FOXN3: variants seen among roughly 807,000 people sequenced by gnomAD.
FOXN3 encodes forkhead box N3.
A neutral mutation model predicts 38.4 loss-of-function variants in FOXN3; 7 were observed. The observed-to-expected ratio is 0.18, with a 90% CI of 0.10 to 0.34. FOXN3 has a LOEUF of 0.34. Among genes scored for constraint, FOXN3 ranks in the 10% least tolerant of loss-of-function variants. The probability of loss-of-function intolerance (pLI) is 1.00; values close to 1 mark genes in which losing one functional copy is unlikely to be tolerated. For synonymous variants in FOXN3, 230 were observed against 242.2 expected (o/e 0.95, Z 0.47); for missense variants, 456 against 613.4 (o/e 0.74, Z 2.71).
chr14:89,550,262 C>T (rs890749943), intron 1 of FOXN3, among the ~76,000 whole-genome samples: 1 of 152,178 alleles, frequency 6.6e-6, no homozygotes, highest in East Asian at 1.9e-4. Flanking sequence ...ACCCCATCCC[C>T]TTCCATTCTG....
intron 1 of FOXN3, among the ~76,000 whole-genome samples, chr14:89,505,172 T>C (rs1893886349): frequency 6.6e-6 from 1 of 152,112 alleles, no homozygotes; most frequent in Admixed American, 6.5e-5. Flanking sequence ...CAGTTTTAGT[T>C]GTTATTGTTG....
chr14:89,434,070 C>A (rs1029881534), intron 1 of FOXN3, among the ~76,000 whole-genome samples: 3 of 151,148 alleles, frequency 2.0e-5, no homozygotes, highest in Admixed American at 1.3e-4. Flanking sequence ...ATTACAGGTG[C>A]CTGCCACTAC....
Position 89,412,585 on chromosome 14 carries a change from C to G in FOXN3, c.-14-95G>C. ...TGATCCTGTTGCCTCCCTCTGCCGC[C>G]TCTATGGAACCCCTGCTACACAGGA... On this transcript the variant is annotated intron_variant, in intron 1 of 5. Coordinates refer to ENST00000557258, the MANE Select transcript of FOXN3 (RefSeq NM_005197.4). This position sits in a 1 kb window ranked among gnomAD's most constrained non-coding sequence, Gnocchi z 4.7. 1.0e-6 allele frequency: 1 copy of G among 961,870 alleles called. No individual in the cohort carries two copies. The highest frequency in any genetic ancestry group is 1.5e-6 in the Non-Finnish European group (1 of 660,012). The allele number at this position is 961,870 out of a possible 1,614,324, so 59.6% of individuals were successfully genotyped here. A position where few individuals can be genotyped will look rare whatever the true frequency, so the allele number is the denominator to read the frequency against.
intron 1 of FOXN3, among the ~76,000 whole-genome samples, chr14:89,459,826 C>T (rs181463763): frequency 8.5e-5 from 13 of 152,272 alleles, no homozygotes; most frequent in African/African-American, 2.9e-4. Flanking sequence ...ATCCCCCCAC[C>T]GAGGGCAATA....
chr14:89,511,153 CTTTCTTTCTTTCTTT>C (rs1894054824), intron 1 of FOXN3, among the ~76,000 whole-genome samples: 2 of 20,644 alleles, frequency 9.7e-5, no homozygotes, highest in South Asian at 1.2e-3. Context: ...TTCTTTCTTT[CTTTCTTTCTTTCTTT>C]CTTTCTTTCT....
At chr14:89,611,481 G>A (rs1237821064) in intron 1 of FOXN3, among the ~76,000 whole-genome samples, 3 of 152,194 alleles carry the variant, frequency 2.0e-5, no homozygotes, top group Non-Finnish European at 4.4e-5. Flanking sequence ...AGGGATGGAC[G>A]AAGAGAAAGT....
chr14:89,560,458 T>C (rs778947775), intron 1 of FOXN3, among the ~76,000 whole-genome samples: 2 of 152,094 alleles, frequency 1.3e-5, no homozygotes, highest in Non-Finnish European at 2.9e-5. Context: ...CCATACCCCA[T>C]CCCTAAGTTA....
rs10671899 is a variant in FOXN3, at chr14:89,482,909, G to GAAA, written c.-14-70422_-14-70420dup. 3.3e-3 allele frequency among the ~76,000 whole-genome samples: 475 copies of GAAA among 144,098 alleles called. 6 individuals are homozygous for GAAA. The highest frequency in any genetic ancestry group is 8.1e-3 in the African/African-American group (315 of 38,716). 94.5% of individuals were successfully genotyped at this position (144,098 alleles called of 152,430 possible). A position where few individuals can be genotyped will look rare whatever the true frequency, so the allele number is the denominator to read the frequency against. On this transcript the variant is annotated intron_variant, in intron 1 of 6. Coordinates refer to the FOXN3 transcript ENST00000345097. ...GGGGCAACAGAGCAAGACCCTGTATGAAAAAAAAAAAGAATGGAGCCAGTG... is the reference window on the plus strand; with the variant it reads ...GGGGCAACAGAGCAAGACCCTGTATGAAAAAAAAAAAAAAGAATGGAGCCAGTG...
intron 2 of FOXN3, among the ~76,000 whole-genome samples, chr14:89,406,250 CA>C (rs925663125): frequency 2.5e-3 from 355 of 139,970 alleles, no homozygotes; most frequent in African/African-American, 4.1e-3. Flanking sequence ...CGCAGCCCTA[CA>C]AAAAAAAAAA....
chr14:89,467,959 T>C (rs1003096559), intron 1 of FOXN3, among the ~76,000 whole-genome samples: 4 of 151,558 alleles, frequency 2.6e-5, no homozygotes, highest in Admixed American at 1.3e-4. Flanking sequence ...ATTTTCCTCC[T>C]GCCCTGAGCC....
intron 2 of FOXN3, among the ~76,000 whole-genome samples, chr14:89,356,082 A>C (rs986198879): frequency 6.6e-6 from 1 of 152,202 alleles, no homozygotes; most frequent in Non-Finnish European, 1.5e-5. Flanking sequence ...CCAAAAAAAA[A>C]AAAGTATGAT....
At chr14:89,230,063 G>A (rs1054242957) in intron 4 of FOXN3, among the ~76,000 whole-genome samples, 1 of 152,194 alleles carries the variant, frequency 6.6e-6, no homozygotes, top group Admixed American at 6.5e-5. Context: ...GAATTCACTA[G>A]TCCAAAACCA....
chr14:89,249,630 T>C (rs551444678), intron 4 of FOXN3, among the ~76,000 whole-genome samples: 7 of 152,340 alleles, frequency 4.6e-5, no homozygotes, highest in East Asian at 3.9e-4. Context: ...CAAGCACCTA[T>C]GATACGCCAG....
chr14:89,415,884 C>CACACACACACT (rs1566647933), intron 1 of FOXN3, among the ~76,000 whole-genome samples: 1 of 93,262 alleles, frequency 1.1e-5, no homozygotes, highest in Non-Finnish European at 2.1e-5. Context: ...ACACACACAC[C>CACACACACACT]CTCTTTTGTT....
chr14:89,238,867 T>G (rs1885056378), intron 4 of FOXN3, among the ~76,000 whole-genome samples: 1 of 152,194 alleles, frequency 6.6e-6, no homozygotes, highest in African/African-American at 2.4e-5. Flanking sequence ...GGGTAGATTA[T>G]AAACTACAAT....
chr14:89,273,838 AAG>A (rs1347553172), intron 4 of FOXN3, among the ~76,000 whole-genome samples: 1 of 152,244 alleles, frequency 6.6e-6, no homozygotes, highest in Non-Finnish European at 1.5e-5. Flanking sequence ...GCCAAGAATA[AAG>A]GGCCCCTCCT....
chr14:89,405,805 G>A lies in FOXN3; in HGVS notation c.543+6129C>T, dbSNP rs188645428. Among the ~76,000 whole-genome samples the A allele has an allele frequency of 2.0e-4, 30 of 152,236 alleles. No homozygotes were observed. The East Asian group carries it at 5.8e-3, about 29-fold the overall frequency. ...CAATCCCCTATAACCCATATTCACA[G>A]GATATTTAAAGGAAGCACAGAGAGA... On this transcript the variant is annotated intron_variant, in intron 2 of 5. Coordinates refer to ENST00000557258, the MANE Select transcript of FOXN3 (RefSeq NM_005197.4).
At chr14:89,170,350 T>C (rs894331343) in intron 5 of FOXN3, among the ~76,000 whole-genome samples, 1 of 152,208 alleles carries the variant, frequency 6.6e-6, no homozygotes, top group South Asian at 2.1e-4. Context: ...TGGAGAAGAT[T>C]TGACATAAAC....
rs759223036 is a variant in FOXN3 at position 89,412,526 on chromosome 14, G to A, written c.-14-36C>T. On this transcript the variant is annotated intron_variant, in intron 1 of 5. Transcript: ENST00000557258. This position sits in a 1 kb window ranked among gnomAD's most constrained non-coding sequence, Gnocchi z 4.7. ...CATCACAAAGAAATGATGAGCTGGC[G>A]AGGCCCAAAACAGAAAGGCAGACTG... 12 of 1,532,502 alleles carry A rather than the reference G, an allele frequency of 7.8e-6. No homozygotes were observed. The highest frequency in any genetic ancestry group is 2.3e-5 in the East Asian group (1 of 44,176). The allele number at this position is 1,532,502 out of a possible 1,614,324, so 94.9% of individuals were successfully genotyped here. A position where few individuals can be genotyped will look rare whatever the true frequency, so the allele number is the denominator to read the frequency against.
Sources: allele counts gnomAD v4.1 joint callset (sites outside exome capture counted in the v4.1 genomes callset), GRCh38; gene constraint gnomAD v4.1.1; non-coding constraint Gnocchi (gnomAD v3.1); transcripts MANE v1.5; gene names NCBI Gene and HGNC (gene_info 2026-07-23, HGNC 2026-07-21).